RBMX: variants seen among roughly 807,000 people sequenced by gnomAD.
The protein encoded by RBMX is RNA-binding motif protein, X chromosome.
In RBMX, 1 loss-of-function variant was observed where a neutral mutation model predicts 29.3. The ratio of observed to expected loss-of-function variants is 0.03; its 90% CI spans 0.01 to 0.16. The LOEUF (loss-of-function observed/expected upper bound fraction) is 0.16, where lower values mean the gene tolerates loss of function less well. RBMX is among the 10% of genes least tolerant of loss of function. RBMX has a pLI of 1.00. For missense variants in RBMX, 121 were observed against 333.2 expected, an observed-to-expected ratio of 0.36 and a Z score of 4.96; for synonymous variants, 102 against 102.3, an observed-to-expected ratio of 1.00 and a Z score of 0.02.
chrX:136,874,230 G>A lies in RBMX; in HGVS notation c.1088C>T (p.Ser363Phe). Residue 363 changes from serine to phenylalanine, a missense_variant, in exon 9 of 9, where the codon TCC becomes TTC. This residue lies in a region of RBMX where 114 missense variants were observed against 260.0 expected (regional missense o/e 0.44). Transcript: ENST00000320676. ...MERGYPPPRD[S>F]YSSSSRGAPR... ...TGCTCCGCGGCTTGAACTGCTGTAG[G>A]AATCACGTGGAGGAGGGTACCCCCT... 8.2e-7 allele frequency: 1 copy of A among 1,212,823 alleles called. No individual in the cohort carries two copies. Among genetic ancestry groups the A allele is most frequent in the Non-Finnish European group, 1.1e-6 (1 of 895,646 alleles).
intron 4 of RBMX, 114 bp downstream of exon 4, chrX:136,877,801 T>C: frequency 1.5e-6 from 1 of 682,548 alleles, no homozygotes; most frequent in Non-Finnish European, 2.1e-6. Context: ...GAACAAGTGT[T>C]GTCAATTTCA....
chrX:136,877,328 A>ACACC (rs1483009404), intron 4 of RBMX, among the ~76,000 whole-genome samples: 1 of 25,321 alleles, frequency 3.9e-5, no homozygotes, highest in Admixed American at 6.9e-4. Context: ...GCTAAACTCT[A>ACACC]CCCCCCCCCC....
downstream of RBMX, among the ~76,000 whole-genome samples, chrX:136,870,972 G>A (rs1443540089): frequency 4.7e-5 from 5 of 106,776 alleles, no homozygotes; most frequent in African/African-American, 1.7e-4. Flanking sequence ...AATAATAACC[G>A]ACATAGTGGC....
At chrX:136,878,699 G>C (rs1300081313) in intron 3 of RBMX, among the ~76,000 whole-genome samples, 1 of 87,077 alleles carries the variant, frequency 1.1e-5, no homozygotes, top group East Asian at 3.7e-4. Context: ...GGCTGCAGTG[G>C]GCACTGCACC....
In RBMX at chrX:136,874,277, T is replaced by C; in HGVS notation, c.1041A>G (p.Arg347=). 1 of 1,212,845 alleles carries C rather than the reference T, an allele frequency of 8.2e-7. No individual in the cohort carries two copies. The highest frequency in any genetic ancestry group is 1.1e-6 in the Non-Finnish European group (1 of 895,662). Residue 347 remains arginine (R), a synonymous_variant, in exon 9 of 9, where the codon AGA becomes AGG. Coordinates refer to ENST00000320676, the MANE Select transcript of RBMX (RefSeq NM_002139.4). ...CCCTTTCCATAGAAGGGGGAAGCCC[T>C]CTTTCTTGTCTGCCAACCCGATCAC... ...SGRDRVGRQE[R]GLPPSMERGY... is the part of the protein sequence containing the mutation.
intron 2 of RBMX, 76 bp downstream of exon 2, chrX:136,879,243 A>C (rs761594590): frequency 8.7e-5 from 104 of 1,190,751 alleles, no homozygotes; most frequent in Non-Finnish European, 1.1e-4. Flanking sequence ...ATCATGTCAG[A>C]CGATCAATGC....
At chrX:136,870,076 T>C (rs1340361416), downstream of RBMX, 1 of 112,747 alleles carries the variant, frequency 8.9e-6, no homozygotes, top group African/African-American at 3.2e-5. Flanking sequence ...ATTTTTATAA[T>C]TCAACTTAAG....
chrX:136,879,435 T>G lies in RBMX; in HGVS notation c.-8A>C. ...GCGATCTGCTTCAACCATGTTTTTT[T>G]TTTTTTGGGCCGGTGAGTCTGTTGA... On this transcript the variant is annotated 5_prime_UTR_variant, in exon 2 of 9. Coordinates refer to ENST00000320676, the MANE Select transcript of RBMX (RefSeq NM_002139.4). 8.3e-7 allele frequency: 1 copy of G among 1,207,220 alleles called. No individual in the cohort carries two copies. Among genetic ancestry groups the G allele is most frequent in the Non-Finnish European group, 1.1e-6 (1 of 894,037 alleles).
intron 4 of RBMX, 146 bp downstream of exon 4, chrX:136,877,769 A>G (rs943682379): frequency 5.2e-5 from 26 of 496,378 alleles, no homozygotes; most frequent in African/African-American, 5.2e-4. Flanking sequence ...CATGCTTTCA[A>G]TTGGCAATCA....
At chrX:136,877,736 A>G (rs910921036) in intron 4 of RBMX, among the ~76,000 whole-genome samples, 179 bp downstream of exon 4, 4 of 112,386 alleles carry the variant, frequency 3.6e-5, no homozygotes, top group African/African-American at 1.3e-4. Context: ...ACGGTTTAAC[A>G]CCATAATCTA....
downstream of RBMX, among the ~76,000 whole-genome samples, chrX:136,871,231 G>A (rs916036507): frequency 3.7e-5 from 4 of 109,351 alleles, no homozygotes; most frequent in Admixed American, 2.0e-4. Context: ...AGATCACAAG[G>A]TCAGGAGATC....
At chrX:136,872,610 C>T (rs1187983484), downstream of RBMX, 2 of 326,101 alleles carry the variant, frequency 6.1e-6, no homozygotes, top group African/African-American at 2.7e-5. Context: ...ATAAGTTGAA[C>T]GAACAAAACT....
chrX:136,874,025 G>A lies in RBMX; in HGVS notation c.*117C>T. On this transcript the variant is annotated 3_prime_UTR_variant, in exon 9 of 9. Coordinates refer to ENST00000320676, the MANE Select transcript of RBMX (RefSeq NM_002139.4). Reference sequence around the variant, plus strand: ...AAATTATGGAGGGGAACTTAACAGGGAATTTAAAAAAAGTAACACAATTTT... The same window carrying A: ...AAATTATGGAGGGGAACTTAACAGGAAATTTAAAAAAAGTAACACAATTTT... 2 of 1,114,101 alleles carry A rather than the reference G, an allele frequency of 1.8e-6. No homozygotes were observed. Among genetic ancestry groups the A allele is most frequent in the South Asian group, 2.4e-5 (1 of 42,234 alleles). 91.8% of individuals were successfully genotyped at this position (1,114,101 alleles called of 1,213,427 possible).
intron 5 of RBMX, among the ~76,000 whole-genome samples, chrX:136,875,971 T>C (rs2077723642): frequency 9.1e-6 from 1 of 109,893 alleles, no homozygotes; most frequent in Non-Finnish European, 1.9e-5. Flanking sequence ...CCAGCTAACT[T>C]TTGTATCTTT....
chrX:136,870,058 T>C (rs1349824028), downstream of RBMX: 1 of 112,543 alleles, frequency 8.9e-6, no homozygotes. Context: ...CTACCACTTA[T>C]ATCCATCATT....
chrX:136,877,846 G>A, intron 4 of RBMX, 69 bp downstream of exon 4: 2 of 1,027,790 alleles, frequency 1.9e-6, no homozygotes, highest in Non-Finnish European at 2.6e-6. Context: ...CTTAACCAAA[G>A]CATCCACTTG....
downstream of RBMX, chrX:136,869,424 T>G (rs2077672373): frequency 8.9e-6 from 1 of 112,073 alleles, no homozygotes; most frequent in Non-Finnish European, 1.9e-5. Context: ...AACATACTCC[T>G]TATATTCCTA....
chrX:136,875,004 A>T, intron 8 of RBMX, 82 bp downstream of exon 8: 1 of 1,153,057 alleles, frequency 8.7e-7, no homozygotes, highest in Non-Finnish European at 1.1e-6. Context: ...TTTAAAAGCA[A>T]GCACCACACA....
chrX:136,878,607 T>G (rs1301931598), intron 3 of RBMX, among the ~76,000 whole-genome samples: 2 of 68,382 alleles, frequency 2.9e-5, no homozygotes, highest in Non-Finnish European at 5.0e-5. Context: ...TAGCCGGGCG[T>G]GGTCGCGCAT....
Sources: gnomAD v4.1 joint callset for allele counts (sites outside exome capture counted in the v4.1 genomes callset) on GRCh38, gnomAD v4.1.1 for gene constraint, gnomAD v4.1.1 regional missense constraint, MANE v1.5 for transcripts, NCBI Gene and HGNC (gene_info 2026-07-23, HGNC 2026-07-21) for gene names.